The following NR3C2 variants were observed in gnomAD, a reference collection of about 807,000 sequenced individuals.
NR3C2 encodes the protein mineralocorticoid receptor.
In NR3C2, 15 loss-of-function variants were observed where a neutral mutation model predicts 86.4. The ratio of observed to expected loss-of-function variants is 0.17; its 90% confidence interval spans 0.12 to 0.27. The LOEUF (loss-of-function observed/expected upper bound fraction) is 0.27. Ranked by LOEUF, NR3C2 falls within the 10% of genes least tolerant of loss-of-function variation. The pLI, the probability that NR3C2 is intolerant of heterozygous loss-of-function variation, is 1.00. For missense variants in NR3C2, 960 were observed against 1,195.6 expected, an observed-to-expected ratio of 0.80 and a Z score of 2.91; for synonymous variants, 458 against 450.5, an observed-to-expected ratio of 1.02 and a Z score of -0.21.
upstream of NR3C2, chr4:148,444,879 A>G: frequency 1.0e-6 from 1 of 984,684 alleles, no homozygotes; most frequent in South Asian, 4.7e-5. Context: ...CGGCAGGAGG[A>G]TCCCGCGCCC....
intron 8 of NR3C2, 27 bp from the exon 9 acceptor site, chr4:148,081,526 C>G: frequency 6.2e-7 from 1 of 1,613,820 alleles, no homozygotes. Flanking sequence ...GGGGGCATGA[C>G]ACGGGGGCCT....
At chr4:148,119,486 T>A (rs1477532614) in intron 7 of NR3C2, among the ~76,000 whole-genome samples, 1 of 152,198 alleles carries the variant, frequency 6.6e-6, no homozygotes, top group Non-Finnish European at 1.5e-5. Flanking sequence ...AAATAATTAC[T>A]TTCCATATGT....
At chr4:148,135,978 A>C (rs1733292027) in intron 6 of NR3C2, among the ~76,000 whole-genome samples, 5 of 111,316 alleles carry the variant, frequency 4.5e-5, no homozygotes, top group East Asian at 3.4e-4. Context: ...AATGGCGTGA[A>C]CCCGGGAGGC....
intron 2 of NR3C2, among the ~76,000 whole-genome samples, chr4:148,374,698 T>G (rs1746588542): frequency 6.6e-6 from 1 of 152,316 alleles, no homozygotes; most frequent in African/African-American, 2.4e-5. Flanking sequence ...AGTTTTAAAA[T>G]TATTTTCAAT....
At chr4:148,152,384 G>A (rs1734141302) in intron 6 of NR3C2, 85 bp downstream of exon 6, 5 of 1,453,668 alleles carry the variant, frequency 3.4e-6, no homozygotes, top group East Asian at 2.3e-5. Flanking sequence ...TTTCACCAAC[G>A]TACATCTGTT....
At chr4:148,442,542 A>C (rs72646916), upstream of NR3C2, 197 of 580,742 alleles carry the variant, frequency 3.4e-4, no homozygotes, top group Non-Finnish European at 4.2e-4. Flanking sequence ...ACATGTCCAG[A>C]TAAAGTTCAG....
At chr4:148,250,453 C>T (rs1037958699) in intron 3 of NR3C2, among the ~76,000 whole-genome samples, 3 of 152,136 alleles carry the variant, frequency 2.0e-5, no homozygotes, top group Non-Finnish European at 4.4e-5. Context: ...CCAGTGATCA[C>T]GACACCAAGC....
chr4:148,432,521 G>C (rs1749842008), intron 2 of NR3C2, among the ~76,000 whole-genome samples: 1 of 152,030 alleles, frequency 6.6e-6, no homozygotes, highest in Admixed American at 6.6e-5. Flanking sequence ...TCCTTGAAAA[G>C]GTCTCAGGAA....
At chr4:148,369,403 C>T (rs1233131549) in intron 2 of NR3C2, among the ~76,000 whole-genome samples, 3 of 152,176 alleles carry the variant, frequency 2.0e-5, no homozygotes, top group African/African-American at 4.8e-5. Context: ...ATTTCCCCAA[C>T]GTGCTTTATG....
In NR3C2 at chr4:148,278,196, C is replaced by T. The variant is rs1579098094; in HGVS notation, c.1758-18079G>A. 2.0e-5 allele frequency among the ~76,000 whole-genome samples: 3 copies of T among 152,020 alleles called. No individual in the cohort carries two copies. In the East Asian group the frequency reaches 5.8e-4, roughly 29 times the overall value. On this transcript the variant is annotated intron_variant, in intron 2 of 8. Transcript: ENST00000358102. ...GGATCACTGCCACCTCCACCTCCACCTCCCAGGTTCAAGAGATTTTCATGC... is the reference window on the plus strand; with the variant it reads ...GGATCACTGCCACCTCCACCTCCACTTCCCAGGTTCAAGAGATTTTCATGC...
Position 148,355,355 on chromosome 4 carries a change from G to A in NR3C2, c.1757+79749C>T, listed in dbSNP as rs552746486. Among the ~76,000 whole-genome samples the A allele has an allele frequency of 1.5e-3, 228 of 152,202 alleles. No individual in the cohort carries two copies. The Middle Eastern group carries it at 0.017, about 11-fold the overall frequency. ...ACATAAGCACCAACATATACTTAAC[G>A]GCCTTGCATTTATCATAATGTTTCT... On this transcript the variant is annotated intron_variant, in intron 2 of 8. Coordinates refer to ENST00000358102, the MANE Select transcript of NR3C2 (RefSeq NM_000901.5).
At chr4:148,178,034 G>T (rs892196239) in intron 4 of NR3C2, among the ~76,000 whole-genome samples, 4 of 152,082 alleles carry the variant, frequency 2.6e-5, no homozygotes, top group Non-Finnish European at 4.4e-5. Flanking sequence ...AAACGTTTTC[G>T]ACTCCAAAAT....
At chr4:148,263,160 A>C (rs1740214276) in intron 2 of NR3C2, among the ~76,000 whole-genome samples, 1 of 152,130 alleles carries the variant, frequency 6.6e-6, no homozygotes, top group Non-Finnish European at 1.5e-5. Context: ...TCGCTTGGTG[A>C]ATGACTTTCC....
intron 3 of NR3C2, 88 bp from the exon 4 acceptor site, chr4:148,194,950 T>C (rs1736372916): frequency 1.0e-6 from 1 of 956,692 alleles, no homozygotes. Context: ...AAACTACTTC[T>C]TTCCTGCCTT....
At chr4:148,141,795 T>C (rs1377218185) in intron 6 of NR3C2, among the ~76,000 whole-genome samples, 1 of 152,092 alleles carries the variant, frequency 6.6e-6, no homozygotes, top group Admixed American at 6.5e-5. Flanking sequence ...ACATGAGGGA[T>C]CTAGGCTGCA....
chr4:148,180,733 T>C (rs1353282990), intron 4 of NR3C2, among the ~76,000 whole-genome samples: 2 of 152,194 alleles, frequency 1.3e-5, no homozygotes, highest in Admixed American at 6.5e-5. Flanking sequence ...TTTGTATTAT[T>C]AGTTTCTTTT....
intron 2 of NR3C2, among the ~76,000 whole-genome samples, chr4:148,318,307 G>C (rs1301240001): frequency 1.3e-5 from 2 of 151,678 alleles, no homozygotes; most frequent in Non-Finnish European, 2.9e-5. Flanking sequence ...CCAAGTCTTT[G>C]CTATTGTGAA....
At chr4:148,115,686 C>T (rs1732243786) in intron 7 of NR3C2, among the ~76,000 whole-genome samples, 1 of 152,144 alleles carries the variant, frequency 6.6e-6, no homozygotes, top group African/African-American at 2.4e-5. Flanking sequence ...AAATTAACTT[C>T]TACTATTATG....
chr4:148,320,610 T>C (rs1743513268), intron 2 of NR3C2, among the ~76,000 whole-genome samples: 1 of 149,470 alleles, frequency 6.7e-6, no homozygotes, highest in South Asian at 2.2e-4. Context: ...CTTGGGAGAG[T>C]GTATGTGTCG....
Sources: allele counts gnomAD v4.1 joint callset (sites outside exome capture counted in the v4.1 genomes callset), GRCh38; gene constraint gnomAD v4.1.1; transcripts MANE v1.5; gene names NCBI Gene and HGNC (gene_info 2026-07-23, HGNC 2026-07-21).